Variants in NAV2 observed in about 807,000 individuals in gnomAD.
NAV2 encodes helicase, APC down-regulated 1.
A neutral mutation model predicts 223.2 loss-of-function variants in NAV2; 54 were observed. That is an observed-to-expected ratio of 0.24 (90% CI 0.19 to 0.30). NAV2 has a LOEUF of 0.30. NAV2 is among the 10% of genes least tolerant of loss of function. The pLI, the probability that NAV2 is intolerant of heterozygous loss-of-function variation, is 1.00. For missense variants in NAV2, 2,806 were observed against 3,147.5 expected (o/e 0.89, Z 2.60); for synonymous variants, 1,279 against 1,239.3 (o/e 1.03, Z -0.67).
chr11:19,623,713 T>A (rs10833140), intron 1 of NAV2, among the ~76,000 whole-genome samples: 17,243 of 152,116 alleles, frequency 0.11, 2,639 homozygotes, highest in African/African-American at 0.35. Flanking sequence ...GGTTCGAACA[T>A]CCTCCTTTAG....
intron 1 of NAV2, among the ~76,000 whole-genome samples, chr11:19,354,752 G>C (rs1853518302): frequency 6.6e-6 from 1 of 152,196 alleles, no homozygotes; most frequent in African/African-American, 2.4e-5. Flanking sequence ...ATGAGCTTTA[G>C]CTGGTATAAG....
intron 1 of NAV2, among the ~76,000 whole-genome samples, chr11:19,464,067 A>G (rs1282920876): frequency 6.6e-6 from 1 of 152,210 alleles, no homozygotes; most frequent in African/African-American, 2.4e-5. Flanking sequence ...TTAAGGGATA[A>G]TGGAGGCATT....
intron 1 of NAV2, among the ~76,000 whole-genome samples, chr11:19,732,792 C>T (rs559259438): frequency 6.6e-6 from 1 of 152,198 alleles, no homozygotes; most frequent in South Asian, 2.1e-4. Flanking sequence ...GTGTGCCAGG[C>T]CTACCCTGCC....
intron 1 of NAV2, among the ~76,000 whole-genome samples, chr11:19,400,467 G>A (rs1048305314): frequency 6.6e-6 from 1 of 152,162 alleles, no homozygotes; most frequent in African/African-American, 2.4e-5. Flanking sequence ...CAGCTTGTGT[G>A]CTGTCCACCA....
At chr11:19,549,524 G>C (rs1343693240) in intron 1 of NAV2, among the ~76,000 whole-genome samples, 1 of 152,332 alleles carries the variant, frequency 6.6e-6, no homozygotes, top group South Asian at 2.1e-4. Flanking sequence ...CCTGACTACA[G>C]AGGAAGGAGG....
chr11:19,657,132 G>T (rs535107081), intron 1 of NAV2, among the ~76,000 whole-genome samples: 6 of 152,218 alleles, frequency 3.9e-5, no homozygotes, highest in African/African-American at 1.2e-4. Flanking sequence ...GGCTGGGGGT[G>T]TATTAAAATC....
chr11:19,367,133 G>A (rs1848314002), intron 1 of NAV2, among the ~76,000 whole-genome samples: 1 of 152,180 alleles, frequency 6.6e-6, no homozygotes, highest in South Asian at 2.1e-4. Flanking sequence ...TAATGTCCTG[G>A]CCTCTCAATG....
chr11:19,416,031 A>T (rs4379819), intron 1 of NAV2, among the ~76,000 whole-genome samples: 1 of 152,122 alleles, frequency 6.6e-6, no homozygotes, highest in Non-Finnish European at 1.5e-5. Flanking sequence ...TCGAAAACCC[A>T]CACAAGACAA....
intron 1 of NAV2, among the ~76,000 whole-genome samples, chr11:19,411,131 C>A (rs1039335006): frequency 6.6e-6 from 1 of 152,156 alleles, no homozygotes; most frequent in Non-Finnish European, 1.5e-5. Flanking sequence ...ACCCCACCCC[C>A]AGAGTTTCTG....
intron 1 of NAV2, among the ~76,000 whole-genome samples, chr11:19,566,440 T>A (rs1490676466): frequency 6.6e-6 from 1 of 152,210 alleles, no homozygotes; most frequent in Non-Finnish European, 1.5e-5. Context: ...TTTGTAAAGA[T>A]CTCTCTGAGT....
rs771329217 is a variant in NAV2 at position 19,933,259 on chromosome 11, C to A, written c.1015C>A (p.Pro339Thr). ...ASLESGSSST[P>T]TNCSTSSAIP... ...CTTGGAGAGCGGCAGCAGCTCCACCCCTACTAATTGCAGTACCTCCTCGGC... is the reference window on the plus strand; with the variant it reads ...CTTGGAGAGCGGCAGCAGCTCCACCACTACTAATTGCAGTACCTCCTCGGC... Residue 339 changes from proline to threonine, a missense_variant, in exon 7 of 38, where the codon CCT becomes ACT. Pro to Thr is a conservative substitution (Grantham distance 38). Around this residue, in one of 4 missense-constraint regions of NAV2, gnomAD observed 1,167 missense variants for 1,180.5 expected, o/e 0.99. Transcript: ENST00000349880. This position sits in a 1 kb window ranked among gnomAD's most constrained non-coding sequence, Gnocchi z 4.3. 3 of 1,611,560 alleles carry A rather than the reference C, an allele frequency of 1.9e-6. No homozygotes were observed. The highest frequency in any genetic ancestry group is 2.2e-5 in the South Asian group (2 of 90,732).
chr11:19,895,841 A>G (rs2041931878), intron 6 of NAV2, among the ~76,000 whole-genome samples: 1 of 151,962 alleles, frequency 6.6e-6, no homozygotes, highest in Non-Finnish European at 1.5e-5. Flanking sequence ...TGACCTGTTG[A>G]TTGCAGCTCC....
At chr11:20,024,919 C>A (rs720055) in intron 11 of NAV2, among the ~76,000 whole-genome samples, 96,124 of 152,050 alleles carry the variant, frequency 0.63, 31,064 homozygotes, top group South Asian at 0.74. Context: ...CCTTTAATTT[C>A]TTTGAGATGT....
At chr11:19,449,740 A>T (rs1416995958) in intron 1 of NAV2, among the ~76,000 whole-genome samples, 1 of 152,122 alleles carries the variant, frequency 6.6e-6, no homozygotes, top group Non-Finnish European at 1.5e-5. Flanking sequence ...GGGCTGGGCC[A>T]TGAGAGCACC....
chr11:19,440,114 A>G (rs1288354797), intron 1 of NAV2, among the ~76,000 whole-genome samples: 1 of 152,244 alleles, frequency 6.6e-6, no homozygotes, highest in Admixed American at 6.5e-5. Flanking sequence ...CACGTAAAAA[A>G]TAATCTTTCA....
chr11:19,677,191 C>A (rs1227873463), intron 1 of NAV2, among the ~76,000 whole-genome samples: 4 of 152,264 alleles, frequency 2.6e-5, no homozygotes, highest in Non-Finnish European at 4.4e-5. Flanking sequence ...CACAAAGAGT[C>A]TCCCCATATG....
chr11:20,032,766 C>G (rs745665566), intron 11 of NAV2, among the ~76,000 whole-genome samples: 1 of 152,296 alleles, frequency 6.6e-6, no homozygotes, highest in East Asian at 1.9e-4. Flanking sequence ...GGGCAGGGAG[C>G]TGGGCTTAGA....
chr11:19,935,869 T>TTTTTTTTTTTTTTTG (rs1423968722), intron 7 of NAV2, among the ~76,000 whole-genome samples: 1 of 125,766 alleles, frequency 8.0e-6, no homozygotes, highest in South Asian at 3.0e-4. Flanking sequence ...TTTTTTTTTT[T>TTTTTTTTTTTTTTTG]TTTTTTGAGA....
rs1405428065 is a variant in NAV2, at chr11:19,892,405, T to C, written c.771-29T>C. The stretch of plus-strand genomic sequence containing the variant: ...ACACTGTTATTCTTCTGAGACTGAA[T>C]GCATTATCCTGTTGCTTTTGCATTT... On this transcript the variant is annotated intron_variant, in intron 5 of 37. Coordinates refer to ENST00000349880, the MANE Select transcript of NAV2 (RefSeq NM_145117.5). The C allele has an allele frequency of 5.6e-6, 9 of 1,604,208 alleles. No homozygotes were observed. The East Asian group carries it at 1.6e-4, about 28-fold the overall frequency.
Sources: allele counts gnomAD v4.1 joint callset (sites outside exome capture counted in the v4.1 genomes callset), GRCh38; gene constraint gnomAD v4.1.1; regional missense constraint gnomAD v4.1.1; non-coding constraint Gnocchi (gnomAD v3.1); transcripts MANE v1.5; gene names NCBI Gene and HGNC (gene_info 2026-07-23, HGNC 2026-07-21).